Variants in PCDHGB3 observed in about 807,000 individuals in gnomAD.
PCDHGB3 encodes protocadherin gamma-B3.
Under a neutral mutation model 59.2 loss-of-function variants are expected in PCDHGB3, and 40 were observed. The ratio of observed to expected loss-of-function variants is 0.68; its 90% confidence interval spans 0.52 to 0.88. The LOEUF (loss-of-function observed/expected upper bound fraction) is 0.88, where lower values mean the gene tolerates loss of function less well. Ranked by LOEUF, PCDHGB3 falls within the 40% of genes least tolerant of loss-of-function variation. The pLI is 0.00. For missense variants in PCDHGB3, 1,309 were observed against 1,187.9 expected, an observed-to-expected ratio of 1.10 and a Z score of -1.50; for synonymous variants, 581 against 503.6, an observed-to-expected ratio of 1.15 and a Z score of -2.06.
At chr5:141,383,225 T>G in intron 1 of PCDHGB3, 2 of 1,613,970 alleles carry the variant, frequency 1.2e-6, no homozygotes, top group Non-Finnish European at 1.7e-6. Context: ...TTTAACATCC[T>G]GATGGAAGAT....
chr5:141,413,371 C>T lies in PCDHGB3; in HGVS notation c.2415+40562C>T, dbSNP rs752898022. 3.7e-6 allele frequency: 6 copies of T among 1,613,966 alleles called. No individual in the cohort carries two copies. In the Admixed American group the frequency reaches 8.3e-5, roughly 22 times the overall value. On this transcript the variant is annotated intron_variant, in intron 1 of 3. Coordinates refer to ENST00000576222, the MANE Select transcript of PCDHGB3 (RefSeq NM_018924.5). ...TCTGGCGCCCCGGGAGCTGGCGGAG[C>T]GCGGAGTCCGCATAGTCTCCAGAGG...
Position 141,432,502 on chromosome 5 carries a change from C to T in PCDHGB3, c.2415+59693C>T. On this transcript the variant is annotated intron_variant, in intron 1 of 3. Transcript: ENST00000576222. This position sits in a 1 kb window ranked among gnomAD's most constrained non-coding sequence, Gnocchi z 6.0. ...CTGGCGTGGAGCTGGCTCCCCGCTC[C>T]GCAGAGCCCGGCTACCTGGTGACCA... 6.2e-7 allele frequency: 1 copy of T among 1,614,142 alleles called. No individual in the cohort carries two copies. The highest frequency in any genetic ancestry group is 8.5e-7 in the Non-Finnish European group (1 of 1,180,042).
At chr5:141,409,995 C>A (rs777416137) in intron 1 of PCDHGB3, 2 of 1,613,308 alleles carry the variant, frequency 1.2e-6, no homozygotes, top group Admixed American at 3.3e-5. Flanking sequence ...GACGCCGACT[C>A]GGGACACAAC....
At chr5:141,419,316 G>T in intron 1 of PCDHGB3, 2 of 1,613,994 alleles carry the variant, frequency 1.2e-6, no homozygotes, top group Non-Finnish European at 1.7e-6. Context: ...CTCAACGGCC[G>T]TGTCTCCTAC....
At position 141,493,093 on chromosome 5, in the gene PCDHGB3, A is replaced by G. The variant is rs78102761; in HGVS notation, c.2416-1714A>G. On this transcript the variant is annotated intron_variant, in intron 1 of 3. Transcript: ENST00000576222. The surrounding 1 kb of genome is among the most constrained non-coding windows in gnomAD (Gnocchi z 4.3). ...CTCCAACTCCAGGAGCTTTTATTCA[A>G]AATATATCAATGCCTAACTCTGCTC... 0.034 allele frequency among the ~76,000 whole-genome samples: 5,198 copies of G among 152,282 alleles called. 159 individuals carry two copies. Among genetic ancestry groups the G allele is most frequent in the African/African-American group, 0.079 (3,275 of 41,546 alleles).
At chr5:141,421,241 T>C in intron 1 of PCDHGB3, 1 of 1,600,982 alleles carries the variant, frequency 6.2e-7, no homozygotes, top group Non-Finnish European at 8.5e-7. Flanking sequence ...GCGAATCGGC[T>C]ACAGCGCGGG....
chr5:141,430,822 G>C lies in PCDHGB3; in HGVS notation c.2415+58013G>C, dbSNP rs752634890. 5.8e-6 allele frequency: 9 copies of C among 1,542,380 alleles called. No homozygotes were observed. The African/African-American group carries it at 1.1e-4, about 19-fold the overall frequency. On this transcript the variant is annotated intron_variant, in intron 1 of 3. Transcript: ENST00000576222. ...TTGTCCTGCTGGGAATCCTCCTGGGGACTCTGTGGGAGACCGGATGCACCC... is the reference window on the plus strand; with the variant it reads ...TTGTCCTGCTGGGAATCCTCCTGGGCACTCTGTGGGAGACCGGATGCACCC...
At chr5:141,387,534 G>T in intron 1 of PCDHGB3, among the ~76,000 whole-genome samples, 1 of 152,198 alleles carries the variant, frequency 6.6e-6, no homozygotes, top group East Asian at 1.9e-4. Context: ...ACGTATCCAC[G>T]TAGTTTTTGT....
intron 1 of PCDHGB3, chr5:141,418,840 C>T: frequency 6.2e-7 from 1 of 1,614,006 alleles, no homozygotes; most frequent in Middle Eastern, 1.6e-4. Context: ...GAGGATCTCT[C>T]TCAACACGGT....
At position 141,423,614 on chromosome 5, in the gene PCDHGB3, A is replaced by C. The variant is rs1365658002; in HGVS notation, c.2415+50805A>C. 8 of 1,610,406 alleles carry C rather than the reference A, an allele frequency of 5.0e-6. No homozygotes were observed. The highest frequency in any genetic ancestry group is 6.8e-6 in the Non-Finnish European group (8 of 1,178,132). ...AAAAGCGAGCCACTCTTGATAGCTG[A>C]AGACTCAGCTATCATTTTAGGCAAA... On this transcript the variant is annotated intron_variant, in intron 1 of 3. Transcript: ENST00000576222.
rs771744120 is a variant in PCDHGB3 at position 141,485,876 on chromosome 5, G to A, written c.2416-8931G>A. ...AGAGCTCCGGGTATCCGTGCTGGAC[G>A]TAAACGACAACGCCCCAGCCTTCCA... On this transcript the variant is annotated intron_variant, in intron 1 of 3. Transcript: ENST00000576222. This position sits in a 1 kb window ranked among gnomAD's most constrained non-coding sequence, Gnocchi z 5.7. 1 of 1,614,174 alleles carries A rather than the reference G, an allele frequency of 6.2e-7. No homozygotes were observed. Among genetic ancestry groups the A allele is most frequent in the Non-Finnish European group, 8.5e-7 (1 of 1,180,030 alleles).
rs111263562 is a variant in PCDHGB3, at chr5:141,487,812, T to C, written c.2416-6995T>C. The C allele has an allele frequency of 1.1e-4, 148 of 1,408,204 alleles. 1 individual carries two copies. Among genetic ancestry groups the C allele is most frequent in the South Asian group, 1.6e-4 (12 of 73,988 alleles). The allele number at this position is 1,408,204 out of a possible 1,614,324, so 87.2% of individuals were successfully genotyped here. On this transcript the variant is annotated intron_variant, in intron 1 of 3. Coordinates refer to ENST00000576222, the MANE Select transcript of PCDHGB3 (RefSeq NM_018924.5). The surrounding 1 kb of genome is among the most constrained non-coding windows in gnomAD (Gnocchi z 5.0). ...TAACCAGAGTTGTCACAGTTTAGCA[T>C]TGGGGGCGGGTCATGCCTATATCTG...
At chr5:141,505,977 G>A (rs944259753) in intron 3 of PCDHGB3, among the ~76,000 whole-genome samples, 1 of 152,150 alleles carries the variant, frequency 6.6e-6, no homozygotes, top group East Asian at 1.9e-4. Flanking sequence ...CCAGCCGAGA[G>A]AACACCTCCT....
chr5:141,393,187 A>T (rs1327222319), intron 1 of PCDHGB3: 1 of 1,613,380 alleles, frequency 6.2e-7, no homozygotes, highest in East Asian at 2.2e-5. Flanking sequence ...GAAATAATTG[A>T]TATTAACGAT....
chr5:141,410,579 G>A (rs760249748), intron 1 of PCDHGB3: 17 of 1,610,792 alleles, frequency 1.1e-5, no homozygotes, highest in Non-Finnish European at 1.4e-5. Context: ...TCCACCTCAT[G>A]GTGGGGAGGA....
intron 1 of PCDHGB3, chr5:141,414,780 G>A (rs2095787223): frequency 1.2e-6 from 2 of 1,614,232 alleles, no homozygotes; most frequent in Non-Finnish European, 1.7e-6. Context: ...TACAGATGCA[G>A]GTGACAGCCA....
At chr5:141,399,635 T>C (rs1237333371) in intron 1 of PCDHGB3, 1 of 1,613,746 alleles carries the variant, frequency 6.2e-7, no homozygotes, top group Admixed American at 1.7e-5. Context: ...TACGTGTCCA[T>C]GAGCGCGCAA....
At chr5:141,375,630 C>A (rs1162494057) in intron 1 of PCDHGB3, 1 of 1,614,246 alleles carries the variant, frequency 6.2e-7, no homozygotes, top group African/African-American at 1.3e-5. Flanking sequence ...ATTCTGTACG[C>A]CCTGCGCTCC....
At chr5:141,384,730 G>A (rs752038561) in intron 1 of PCDHGB3, 2 of 1,614,092 alleles carry the variant, frequency 1.2e-6, no homozygotes, top group East Asian at 2.2e-5. Context: ...CCTGCTTAAG[G>A]CCAGCGAGCC....
Sources: gnomAD v4.1 joint callset for allele counts (sites outside exome capture counted in the v4.1 genomes callset) on GRCh38, gnomAD v4.1.1 for gene constraint, Gnocchi (gnomAD v3.1) non-coding constraint, MANE v1.5 for transcripts, NCBI Gene and HGNC (gene_info 2026-07-23, HGNC 2026-07-21) for gene names.